GPC5: variants seen among roughly 807,000 people sequenced by gnomAD.
GPC5 encodes glypican-5.
In GPC5, 47 loss-of-function variants were observed where a neutral mutation model predicts 53.9. The ratio of observed to expected loss-of-function variants is 0.87; its 90% CI spans 0.69 to 1.11. The LOEUF is 1.11. GPC5 is among the 50% of genes most tolerant of loss of function. The pLI is 0.00. For synonymous variants in GPC5, 286 were observed against 263.3 expected, an observed-to-expected ratio of 1.09 and a Z score of -0.84; for missense variants, 748 against 713.1, an observed-to-expected ratio of 1.05 and a Z score of -0.56.
chr13:92,462,116 G>A (rs934009267), intron 7 of GPC5, among the ~76,000 whole-genome samples: 6 of 152,134 alleles, frequency 3.9e-5, no homozygotes, highest in African/African-American at 1.2e-4. Context: ...GGGAAAAGTG[G>A]GCATTTAATC....
intron 7 of GPC5, among the ~76,000 whole-genome samples, chr13:92,639,728 T>C (rs1566336186): frequency 6.6e-6 from 1 of 152,196 alleles, no homozygotes; most frequent in Non-Finnish European, 1.5e-5. Flanking sequence ...TATCTGTACA[T>C]GGGTAGGGGT....
At chr13:92,288,676 G>T (rs868684782) in intron 7 of GPC5, among the ~76,000 whole-genome samples, 1 of 152,140 alleles carries the variant, frequency 6.6e-6, no homozygotes, top group South Asian at 2.1e-4. Context: ...ATGTTTTGGG[G>T]AGGGAGTGAT....
chr13:92,045,234 A>G (rs183235946), intron 6 of GPC5, among the ~76,000 whole-genome samples: 133 of 152,332 alleles, frequency 8.7e-4, no homozygotes, highest in Non-Finnish European at 1.5e-3. Flanking sequence ...ATTCAAGAGT[A>G]AAATGTGTCG....
Position 92,457,752 on chromosome 13 carries a change from T to C in GPC5, c.1561+312763T>C, listed in dbSNP as rs190808034. 1.7e-4 allele frequency among the ~76,000 whole-genome samples: 26 copies of C among 152,324 alleles called. 1 individual carries two copies. Among genetic ancestry groups the C allele is most frequent in the Admixed American group, 1.4e-3 (22 of 15,300 alleles). On this transcript the variant is annotated intron_variant, in intron 7 of 7. Coordinates refer to ENST00000377067, the MANE Select transcript of GPC5 (RefSeq NM_004466.6). Reference sequence around the variant, plus strand: ...TGTTTTATTTACACACTTTTTAATATTTTTGTAACTCTGCTTGCTCTAATA... The same window carrying C: ...TGTTTTATTTACACACTTTTTAATACTTTTGTAACTCTGCTTGCTCTAATA...
intron 7 of GPC5, among the ~76,000 whole-genome samples, chr13:92,577,516 G>A (rs1042005085): frequency 7.3e-5 from 11 of 150,986 alleles, no homozygotes; most frequent in African/African-American, 2.7e-4. Flanking sequence ...CTTTCTCAAG[G>A]TCATAGACTA....
intron 7 of GPC5, among the ~76,000 whole-genome samples, chr13:92,813,906 A>C: frequency 6.6e-6 from 1 of 152,032 alleles, no homozygotes; most frequent in East Asian, 1.9e-4. Context: ...AAAATTAATA[A>C]AGAAATGCAA....
chr13:92,152,588 A>C (rs1434331095), intron 7 of GPC5, among the ~76,000 whole-genome samples: 1 of 152,168 alleles, frequency 6.6e-6, no homozygotes, highest in Non-Finnish European at 1.5e-5. Context: ...AAATACAAAA[A>C]ATTAGCCGGG....
chr13:91,776,178 C>T (rs1297143693), intron 5 of GPC5, among the ~76,000 whole-genome samples: 4 of 152,060 alleles, frequency 2.6e-5, no homozygotes, highest in African/African-American at 9.7e-5. Context: ...CTGGGTGAGA[C>T]CACAATTGTG....
intron 6 of GPC5, among the ~76,000 whole-genome samples, chr13:91,982,479 G>A (rs1171999242): frequency 1.3e-5 from 2 of 151,256 alleles, no homozygotes; most frequent in African/African-American, 2.4e-5. Flanking sequence ...CTATGTTGTT[G>A]AGTGAAAAAA....
intron 7 of GPC5, among the ~76,000 whole-genome samples, chr13:92,367,882 T>A (rs1355884918): frequency 2.0e-5 from 3 of 151,840 alleles, no homozygotes; most frequent in African/African-American, 7.3e-5. Context: ...GTGGGTGGAG[T>A]TCCAAGATAG....
chr13:91,891,932 T>G (rs1404895444), intron 5 of GPC5, among the ~76,000 whole-genome samples: 1 of 152,062 alleles, frequency 6.6e-6, no homozygotes, highest in Non-Finnish European at 1.5e-5. Context: ...AAAACAAAAC[T>G]GTGGGTGACA....
At chr13:92,426,030 C>G (rs1876816849) in intron 7 of GPC5, among the ~76,000 whole-genome samples, 1 of 152,050 alleles carries the variant, frequency 6.6e-6, no homozygotes, top group African/African-American at 2.4e-5. Flanking sequence ...GCTTATTCTA[C>G]TTTTCTGTTA....
At position 92,360,032 on chromosome 13, in the gene GPC5, T is replaced by G. The variant is rs893393336; in HGVS notation, c.1561+215043T>G. On this transcript the variant is annotated intron_variant, in intron 7 of 7. Coordinates refer to ENST00000377067, the MANE Select transcript of GPC5 (RefSeq NM_004466.6). Reference sequence around the variant, plus strand: ...TCTCCCATTCTATATGTTGTCTGTTTACTCTGTTGATATTTCCTTTTGCTG... The same window carrying G: ...TCTCCCATTCTATATGTTGTCTGTTGACTCTGTTGATATTTCCTTTTGCTG... Among the ~76,000 whole-genome samples, 19 of 151,794 alleles carry G rather than the reference T, an allele frequency of 1.3e-4. 1 individual carries two copies. The highest frequency in any genetic ancestry group is 4.4e-4 in the African/African-American group (18 of 41,048).
chr13:91,506,394 A>T (rs185374786), intron 2 of GPC5, among the ~76,000 whole-genome samples: 1 of 152,228 alleles, frequency 6.6e-6, no homozygotes, highest in Admixed American at 6.5e-5. Flanking sequence ...CCTTGTTTCT[A>T]TAGATTTTAG....
intron 2 of GPC5, among the ~76,000 whole-genome samples, chr13:91,462,176 A>G (rs1881974609): frequency 6.6e-6 from 1 of 152,120 alleles, no homozygotes; most frequent in African/African-American, 2.4e-5. Flanking sequence ...GGCTTAACAA[A>G]CGCCGTGGTC....
chr13:91,473,065 C>G (rs562832414), intron 2 of GPC5, among the ~76,000 whole-genome samples: 1 of 152,088 alleles, frequency 6.6e-6, no homozygotes, highest in African/African-American at 2.4e-5. Flanking sequence ...GAAGGGGAAG[C>G]AGGCATGTCT....
intron 5 of GPC5, among the ~76,000 whole-genome samples, chr13:91,781,034 T>A (rs2037790030): frequency 6.6e-6 from 1 of 152,154 alleles, no homozygotes; most frequent in African/African-American, 2.4e-5. Flanking sequence ...GGAGAGAGCA[T>A]TCTCTATTAT....
rs1467431609 is a variant in GPC5, at chr13:92,007,970, T to C, written c.1401+99913T>C. ...GGTGATTGTTCCCATAGCATTTACT[T>C]CTACATATGTTATAAATTCTATAAT... On this transcript the variant is annotated intron_variant, in intron 6 of 7. Coordinates refer to ENST00000377067, the MANE Select transcript of GPC5 (RefSeq NM_004466.6). 3.9e-5 allele frequency among the ~76,000 whole-genome samples: 6 copies of C among 152,240 alleles called. No individual in the cohort carries two copies. The East Asian group carries it at 1.2e-3, about 29-fold the overall frequency.
chr13:92,378,797 A>C (rs2139303477), intron 7 of GPC5, among the ~76,000 whole-genome samples: 1 of 152,218 alleles, frequency 6.6e-6, no homozygotes, highest in African/African-American at 2.4e-5. Context: ...TTTTTTCCCA[A>C]GTGTATAATA....
Sources: allele counts gnomAD v4.1 joint callset (sites outside exome capture counted in the v4.1 genomes callset), GRCh38; gene constraint gnomAD v4.1.1; transcripts MANE v1.5; gene names NCBI Gene and HGNC (gene_info 2026-07-23, HGNC 2026-07-21).